Variants in ACYP2 observed in about 807,000 individuals in gnomAD.
The protein encoded by ACYP2 is acylphosphatase 2, also known as acylphosphatase-2.
Under a neutral mutation model 11.2 loss-of-function variants are expected in ACYP2, and 12 were observed. The observed-to-expected ratio is 1.08, with a 90% confidence interval of 0.69 to 1.74. The LOEUF is 1.74. ACYP2 is among the 40% of genes most tolerant of loss of function. The probability of loss-of-function intolerance (pLI) is 0.00; values close to 1 mark genes in which losing one functional copy is unlikely to be tolerated. For missense variants in ACYP2, 134 were observed against 101.9 expected (o/e 1.31, Z -1.35); for synonymous variants, 43 against 32.2 (o/e 1.33, Z -1.13).
chr2:54,070,285 A>AAAAG (rs1327637171), intron 4 of ACYP2, among the ~76,000 whole-genome samples: 4 of 151,834 alleles, frequency 2.6e-5, no homozygotes, highest in African/African-American at 7.3e-5. Context: ...AAAAAAAAAA[A>AAAAG]AAAGAAAGAA....
rs116382759 is a variant in ACYP2 at position 54,149,624 on chromosome 2, C to T, written c.404+10876C>T. On this transcript the variant is annotated intron_variant, in intron 6 of 6. Transcript: ENST00000607452. ...ATAAGTCCTCAGAAAATATATTTTC[C>T]ATAAAGACTCAATGGTAGTTTTGTA... 6.4e-3 allele frequency among the ~76,000 whole-genome samples: 978 copies of T among 152,148 alleles called. 9 individuals are homozygous for T. The highest frequency in any genetic ancestry group is 0.023 in the African/African-American group (936 of 41,488).
intron 6 of ACYP2, among the ~76,000 whole-genome samples, chr2:54,275,800 G>A (rs1364055160): frequency 6.6e-6 from 1 of 152,122 alleles, no homozygotes; most frequent in Non-Finnish European, 1.5e-5. Context: ...GAACATCCAA[G>A]CCCTGCTTGA....
rs187147742 is a variant in ACYP2, at chr2:54,188,956, C to G, written c.404+50208C>G. ...CCTAGCCCACCTGCCTACCCAAGGA[C>G]TTTCTCCTGCACCTGTCACCTCTCT... On this transcript the variant is annotated intron_variant, in intron 6 of 6. Transcript: ENST00000607452. Among the ~76,000 whole-genome samples the G allele has an allele frequency of 9.1e-4, 139 of 152,332 alleles. 1 individual carries two copies. The highest frequency in any genetic ancestry group is 9.2e-4 in the Admixed American group (14 of 15,286).
chr2:54,302,798 C>G (rs761526500), intron 6 of ACYP2, among the ~76,000 whole-genome samples: 2 of 152,136 alleles, frequency 1.3e-5, no homozygotes, highest in African/African-American at 2.4e-5. Flanking sequence ...ACCAAAAACT[C>G]TGGTGTCATC....
At chr2:54,244,031 TA>T (rs1423776632) in intron 6 of ACYP2, among the ~76,000 whole-genome samples, 4 of 152,116 alleles carry the variant, frequency 2.6e-5, no homozygotes, top group Non-Finnish European at 4.4e-5. Context: ...TTTCTTCTAG[TA>T]TTTTAATTAT....
chr2:54,061,121 G>T (rs946765632), intron 4 of ACYP2, among the ~76,000 whole-genome samples: 2 of 152,130 alleles, frequency 1.3e-5, no homozygotes, highest in Non-Finnish European at 2.9e-5. Context: ...CTCCCAAAGT[G>T]CTGGGATTAC....
intron 4 of ACYP2, among the ~76,000 whole-genome samples, chr2:54,131,826 A>G (rs971575555): frequency 4.6e-5 from 7 of 152,176 alleles, no homozygotes; most frequent in African/African-American, 1.7e-4. Flanking sequence ...TTTAGTGGGC[A>G]TAAGAATTGC....
intron 6 of ACYP2, among the ~76,000 whole-genome samples, chr2:54,215,891 A>G (rs1363442367): frequency 6.6e-6 from 1 of 152,226 alleles, no homozygotes; most frequent in East Asian, 1.9e-4. Flanking sequence ...TGTGCCAAAA[A>G]ACACAAACAT....
intron 2 of ACYP2, among the ~76,000 whole-genome samples, chr2:53,987,655 T>C (rs1672100462): frequency 6.6e-6 from 1 of 152,208 alleles, no homozygotes; most frequent in Non-Finnish European, 1.5e-5. Context: ...TTGTCACTGC[T>C]TTTTATTTTA....
intron 2 of ACYP2, among the ~76,000 whole-genome samples, chr2:54,005,368 C>G (rs1414431728): frequency 1.4e-5 from 2 of 144,460 alleles, no homozygotes; most frequent in Non-Finnish European, 3.0e-5. Flanking sequence ...GAGACGGAGT[C>G]TTATTCTGTT....
chr2:54,187,497 A>G (rs1684063396), intron 6 of ACYP2, among the ~76,000 whole-genome samples: 1 of 152,198 alleles, frequency 6.6e-6, no homozygotes, highest in Non-Finnish European at 1.5e-5. Flanking sequence ...GCTGCTTGCG[A>G]AAGGGCTGAG....
intron 2 of ACYP2, among the ~76,000 whole-genome samples, chr2:54,049,490 C>G (rs1447499892): frequency 6.6e-6 from 1 of 152,186 alleles, no homozygotes; most frequent in Non-Finnish European, 1.5e-5. Context: ...CTTCCCTTGT[C>G]AAAATCCTCC....
At chr2:53,999,500 G>T (rs1454458153) in intron 2 of ACYP2, among the ~76,000 whole-genome samples, 2 of 152,126 alleles carry the variant, frequency 1.3e-5, no homozygotes, top group African/African-American at 2.4e-5. Context: ...GGGAATTGTG[G>T]GAAGATTGGA....
At chr2:54,268,908 A>T (rs1469925934) in intron 6 of ACYP2, among the ~76,000 whole-genome samples, 1 of 152,238 alleles carries the variant, frequency 6.6e-6, no homozygotes, top group Non-Finnish European at 1.5e-5. Context: ...CTGAGAGTTT[A>T]CAATGTTATA....
chr2:54,220,856 C>A (rs781002211), intron 6 of ACYP2, among the ~76,000 whole-genome samples: 1 of 152,148 alleles, frequency 6.6e-6, no homozygotes, highest in Non-Finnish European at 1.5e-5. Context: ...ATGAATTTGA[C>A]TCTATGTAAA....
intron 6 of ACYP2, among the ~76,000 whole-genome samples, chr2:54,140,526 T>TCACA (rs766271746): frequency 8.1e-5 from 2 of 24,552 alleles, no homozygotes; most frequent in African/African-American, 2.9e-4. Flanking sequence ...ACATTCTCTC[T>TCACA]CTCACACACA....
intron 6 of ACYP2, among the ~76,000 whole-genome samples, chr2:54,176,796 G>A (rs1206798413): frequency 6.6e-6 from 1 of 152,162 alleles, no homozygotes; most frequent in Non-Finnish European, 1.5e-5. Context: ...CCAAGAATCT[G>A]TTGTTGAGAG....
intron 2 of ACYP2, among the ~76,000 whole-genome samples, chr2:54,041,120 T>C (rs1573586528): frequency 6.9e-6 from 1 of 144,842 alleles, no homozygotes; most frequent in East Asian, 2.0e-4. Flanking sequence ...TTTTTTTTTG[T>C]ATTTTTTGTA....
chr2:54,087,320 G>A (rs1006855248), intron 4 of ACYP2, among the ~76,000 whole-genome samples: 5 of 152,200 alleles, frequency 3.3e-5, no homozygotes, highest in South Asian at 4.2e-4. Flanking sequence ...AATCTTCTTG[G>A]CATTGACCTG....
Sources: gnomAD v4.1 joint callset for allele counts (sites outside exome capture counted in the v4.1 genomes callset) on GRCh38, gnomAD v4.1.1 for gene constraint, MANE v1.5 for transcripts, NCBI Gene and HGNC (gene_info 2026-07-23, HGNC 2026-07-21) for gene names.